The following TBC1D9B variants were observed in gnomAD, a reference collection of about 807,000 sequenced individuals.
TBC1D9B encodes the protein TBC1 domain family, member 9B (with GRAM domain).
In TBC1D9B, 87 loss-of-function variants were observed where a neutral mutation model predicts 121.1. That is an observed-to-expected ratio of 0.72 (90% confidence interval 0.60 to 0.86). TBC1D9B has a LOEUF of 0.86. Ranked by LOEUF, TBC1D9B falls within the 40% of genes least tolerant of loss-of-function variation. The pLI is 0.00. For synonymous variants in TBC1D9B, 668 were observed against 670.1 expected (o/e 1.00, Z 0.05); for missense variants, 1,540 against 1,628.6 (o/e 0.95, Z 0.94).
At position 179,865,351 on chromosome 5, in the gene TBC1D9B, C is replaced by A. The variant is rs780679842; in HGVS notation, c.2924G>T (p.Gly975Val). The change falls in exon 20 of 21, where the codon GGG becomes GTG. Residue 975 changes from glycine (G) to valine (V), a missense_variant. Transcript: ENST00000355235. The surrounding 1 kb of genome is among the most constrained non-coding windows in gnomAD (Gnocchi z 5.1). ...GTGCCGATAGTCCGGAGAGCTGGTCCCCTTCTCCTCTGCAGGTTAGGAGGA... is the reference window on the plus strand; with the variant it reads ...GTGCCGATAGTCCGGAGAGCTGGTCACCTTCTCCTCTGCAGGTTAGGAGGA... ...SGSEERGEEK[G>V]TSSPDYRHYL... 1 of 1,614,000 alleles carries A rather than the reference C, an allele frequency of 6.2e-7. No homozygotes were observed. The highest frequency in any genetic ancestry group is 1.1e-5 in the South Asian group (1 of 91,084).
In TBC1D9B at chr5:179,885,897, G is replaced by A. The variant is rs573562053; in HGVS notation, c.1254+2206C>T. 3.4e-4 allele frequency among the ~76,000 whole-genome samples: 52 copies of A among 152,238 alleles called. No individual in the cohort carries two copies. The highest frequency in any genetic ancestry group is 1.2e-3 in the African/African-American group (48 of 41,554). On this transcript the variant is annotated intron_variant, in intron 7 of 20. Transcript: ENST00000355235. This position sits in a 1 kb window ranked among gnomAD's most constrained non-coding sequence, Gnocchi z 4.5. Reference sequence around the variant, plus strand: ...GCACTCACAGGGCCTACGGGCTTTCGGTGACTTGGCCTTCTGCCACCTCTC... The same window carrying A: ...GCACTCACAGGGCCTACGGGCTTTCAGTGACTTGGCCTTCTGCCACCTCTC...
intron 7 of TBC1D9B, 46 bp downstream of exon 7, chr5:179,888,057 C>T: frequency 1.9e-6 from 3 of 1,608,276 alleles, no homozygotes; most frequent in Non-Finnish European, 2.5e-6. Context: ...TGCCCTGGCT[C>T]TTCCTGGGCC....
intron 6 of TBC1D9B, among the ~76,000 whole-genome samples, chr5:179,889,848 C>CA (rs1373721571): frequency 2.9e-5 from 4 of 139,762 alleles, no homozygotes; most frequent in Non-Finnish European, 6.0e-5. Flanking sequence ...CACTCCTGCC[C>CA]AGGCAAGAGT....
At chr5:179,892,219 T>C (rs1406243097) in intron 5 of TBC1D9B, among the ~76,000 whole-genome samples, 1 of 152,260 alleles carries the variant, frequency 6.6e-6, no homozygotes, top group East Asian at 1.9e-4. Flanking sequence ...CCTGACTGCA[T>C]TCTCACCGGC....
In TBC1D9B at chr5:179,893,400, C is replaced by T; in HGVS notation, c.645G>A (p.Glu215=). The T allele has an allele frequency of 1.2e-6, 2 of 1,614,140 alleles. No homozygotes were observed. Among genetic ancestry groups the T allele is most frequent in the African/African-American group, 1.3e-5 (1 of 75,058 alleles). The change falls in exon 5 of 21, where the codon GAG becomes GAA. Residue 215 remains glutamate (E), a synonymous_variant. Transcript: ENST00000355235. ...GGTCGCGGGTGTCCACACGGATGCTCTCGGGGAAGAGCAGGGTGGCGTTCT... is the reference window on the plus strand; with the variant it reads ...GGTCGCGGGTGTCCACACGGATGCTTTCGGGGAAGAGCAGGGTGGCGTTCT... ...LEKNATLLFP[E]SIRVDTRDQE... is the part of the protein sequence containing the mutation.
Position 179,907,799 on chromosome 5 carries a change from A to G in TBC1D9B, c.23T>C (p.Val8Ala). The change falls in exon 1 of 21, where the codon GTG becomes GCG. Residue 8 changes from valine to alanine, a missense_variant. Physicochemically the swap from Val to Ala is moderately conservative, Grantham distance 64. Transcript: ENST00000355235. The surrounding 1 kb of genome is among the most constrained non-coding windows in gnomAD (Gnocchi z 5.3). Reference sequence around the variant, plus strand: ...CACCCACAGCGCATTGGCCACCAGCACCTCCTCCGGGCTCAGCCACATCGC... The same window carrying G: ...CACCCACAGCGCATTGGCCACCAGCGCCTCCTCCGGGCTCAGCCACATCGC... MWLSPEE[V>A]LVANALWVTE... 1 of 1,214,152 alleles carries G rather than the reference A, an allele frequency of 8.2e-7. No individual in the cohort carries two copies. Among genetic ancestry groups the G allele is most frequent in the Non-Finnish European group, 1.1e-6 (1 of 949,390 alleles). 75.2% of individuals were successfully genotyped at this position (1,214,152 alleles called of 1,614,324 possible). A position where few individuals can be genotyped will look rare whatever the true frequency, so the allele number is the denominator to read the frequency against.
chr5:179,876,015 A>G lies in TBC1D9B; in HGVS notation c.1805T>C (p.Val602Ala). The G allele has an allele frequency of 6.2e-7, 1 of 1,612,870 alleles. No individual in the cohort carries two copies. The highest frequency in any genetic ancestry group is 8.5e-7 in the Non-Finnish European group (1 of 1,179,622). The change falls in exon 11 of 21, where the codon GTG (valine) becomes GCG (alanine). Residue 602 changes from valine (V) to alanine (A), a missense_variant. Physicochemically the swap from Val to Ala is moderately conservative, Grantham distance 64 (BLOSUM62 0). Transcript: ENST00000355235. The part of the protein sequence containing the change: ...YCQAMNIVTS[V>A]LLLYGSEEEA... ...CTCCTCACTGCCATAGAGCAGGAGC[A>G]CCGAGGTCACGATGTTCATTGCCTG... is the stretch of plus-strand genomic sequence containing the variant.
intron 14 of TBC1D9B, 35 bp downstream of exon 14, chr5:179,872,857 G>GC: frequency 3.0e-5 from 32 of 1,078,414 alleles, no homozygotes; most frequent in Admixed American, 1.4e-4. Flanking sequence ...TGCCCCCCCA[G>GC]CCCAGCCCCT....
Position 179,873,129 on chromosome 5 carries a change from A to G in TBC1D9B, c.2306T>C (p.Val769Ala). ...CCACTGGGTGCTGACCTCATAGGACACTTTCAGGAGCTCAAAGATGTCCAC... is the reference window on the plus strand; with the variant it reads ...CCACTGGGTGCTGACCTCATAGGACGCTTTCAGGAGCTCAAAGATGTCCAC... Reference protein sequence around the residue: ...AEVDIFELLKVSYEKFSSLRA... With the variant: ...AEVDIFELLKASYEKFSSLRA... The change falls in exon 13 of 21, where the codon GTG (valine) becomes GCG (alanine). Residue 769 changes from valine to alanine, a missense_variant. Coordinates refer to ENST00000355235, the MANE Select transcript of TBC1D9B (RefSeq NM_015043.4). 1.2e-6 allele frequency: 2 copies of G among 1,611,364 alleles called. No homozygotes were observed. The highest frequency in any genetic ancestry group is 1.7e-6 in the Non-Finnish European group (2 of 1,178,704).
In TBC1D9B at chr5:179,893,389, A is replaced by C; in HGVS notation, c.656T>G (p.Val219Gly). 6.2e-7 allele frequency: 1 copy of C among 1,614,134 alleles called. No individual in the cohort carries two copies. Among genetic ancestry groups the C allele is most frequent in the Non-Finnish European group, 8.5e-7 (1 of 1,180,006 alleles). Residue 219 changes from valine (V) to glycine (G), a missense_variant, in exon 5 of 21, where the codon GTG becomes GGG. Coordinates refer to ENST00000355235, the MANE Select transcript of TBC1D9B (RefSeq NM_015043.4). ...GAAGAGCTCCTGGTCGCGGGTGTCC[A>C]CACGGATGCTCTCGGGGAAGAGCAG... ...ATLLFPESIR[V>G]DTRDQELFFS...
chr5:179,904,219 C>T lies in TBC1D9B; in HGVS notation c.229+483G>A, dbSNP rs897672455. ...CCTGTCCCCATGACCAGTGGAGCTG[C>T]CTTTTTTTTTTTTTTTTTTTTTTGA... On this transcript the variant is annotated intron_variant, in intron 2 of 20. Coordinates refer to ENST00000355235, the MANE Select transcript of TBC1D9B (RefSeq NM_015043.4). The surrounding 1 kb of genome is among the most constrained non-coding windows in gnomAD (Gnocchi z 4.2). 1.6e-4 allele frequency among the ~76,000 whole-genome samples: 13 copies of T among 79,224 alleles called. No homozygotes were observed. Among genetic ancestry groups the T allele is most frequent in the African/African-American group, 1.2e-3 (12 of 10,288 alleles). The allele number at this position is 79,224 out of a possible 152,430, so 52.0% of individuals were successfully genotyped here.
Position 179,878,588 on chromosome 5 carries a change from C to A in TBC1D9B, c.1568-65G>T. The A allele has an allele frequency of 3.4e-6, 5 of 1,481,032 alleles. No individual in the cohort carries two copies. The South Asian group carries it at 6.4e-5, about 19-fold the overall frequency. The allele number at this position is 1,481,032 out of a possible 1,614,324, so 91.7% of individuals were successfully genotyped here. A position where few individuals can be genotyped will look rare whatever the true frequency, so the allele number is the denominator to read the frequency against. ...TGGTACTTTGGGGGCAGTAACAGGGCAGGTTGGAGTCACCGGGTGCCCCAC... is the reference window on the plus strand; with the variant it reads ...TGGTACTTTGGGGGCAGTAACAGGGAAGGTTGGAGTCACCGGGTGCCCCAC... On this transcript the variant is annotated intron_variant, in intron 9 of 20. Transcript: ENST00000355235.
At chr5:179,888,890 T>C (rs139988036) in intron 6 of TBC1D9B, among the ~76,000 whole-genome samples, 1 of 152,094 alleles carries the variant, frequency 6.6e-6, no homozygotes, top group Admixed American at 6.5e-5. Context: ...AGCTGAGACC[T>C]GGTCCAGCCA....
rs1165517331 is a variant in TBC1D9B, at chr5:179,865,520, G to A, written c.2915-160C>T. On this transcript the variant is annotated intron_variant, in intron 19 of 20. Transcript: ENST00000355235. This position sits in a 1 kb window ranked among gnomAD's most constrained non-coding sequence, Gnocchi z 5.1. Reference sequence around the variant, plus strand: ...AAGGTGGTCATGGGAAAAAAACCCAGAACAGCCACAGGTTTTCCCTAAATT... The same window carrying A: ...AAGGTGGTCATGGGAAAAAAACCCAAAACAGCCACAGGTTTTCCCTAAATT... The A allele has an allele frequency of 4.4e-6, 3 of 688,004 alleles. No homozygotes were observed. The highest frequency in any genetic ancestry group is 7.5e-6 in the Non-Finnish European group (3 of 402,512). The allele number at this position is 688,004 out of a possible 1,614,324, so 42.6% of individuals were successfully genotyped here.
chr5:179,876,157 G>A (rs1325912159), intron 10 of TBC1D9B, 120 bp from the exon 11 acceptor site: 5 of 703,368 alleles, frequency 7.1e-6, no homozygotes, highest in African/African-American at 3.7e-5. Flanking sequence ...TCTTTTTGTT[G>A]TTGTTATTTT....
intron 1 of TBC1D9B, among the ~76,000 whole-genome samples, chr5:179,906,195 A>G (rs1410090725): frequency 6.6e-6 from 1 of 152,200 alleles, no homozygotes; most frequent in Admixed American, 6.5e-5. Flanking sequence ...GGAGGACAGT[A>G]CTCAGGAGGC....
intron 7 of TBC1D9B, among the ~76,000 whole-genome samples, chr5:179,886,811 C>T (rs1760698292): frequency 6.6e-6 from 1 of 152,188 alleles, no homozygotes; most frequent in African/African-American, 2.4e-5. Flanking sequence ...TTTGCAAATT[C>T]AGACTCAACG....
intron 16 of TBC1D9B, 49 bp downstream of exon 16, chr5:179,870,206 G>C: frequency 2.5e-6 from 4 of 1,601,696 alleles, no homozygotes; most frequent in Non-Finnish European, 3.4e-6. Flanking sequence ...GGCTTCCTGG[G>C]AAAGGGTGAG....
intron 20 of TBC1D9B, among the ~76,000 whole-genome samples, 199 bp from the exon 21 acceptor site, chr5:179,864,327 TC>T (rs1343425786): frequency 6.6e-6 from 1 of 152,132 alleles, no homozygotes; most frequent in Non-Finnish European, 1.5e-5. Context: ...CAAAAGGCTT[TC>T]CCCTCCAGCT....
Sources: allele counts gnomAD v4.1 joint callset (sites outside exome capture counted in the v4.1 genomes callset), GRCh38; gene constraint gnomAD v4.1.1; non-coding constraint Gnocchi (gnomAD v3.1); transcripts MANE v1.5; gene names NCBI Gene and HGNC (gene_info 2026-07-23, HGNC 2026-07-21).